TBCK: variants seen among roughly 807,000 people sequenced by gnomAD.
The protein encoded by TBCK is TBC domain-containing protein kinase-like protein.
A neutral mutation model predicts 113.4 loss-of-function variants in TBCK; 99 were observed. That is an observed-to-expected ratio of 0.87 (90% CI 0.74 to 1.03). The LOEUF is 1.03. Ranked by LOEUF, TBCK falls within the 50% of genes least tolerant of loss-of-function variation. The pLI, the probability that TBCK is intolerant of heterozygous loss-of-function variation, is 0.00. For synonymous variants in TBCK, 369 were observed against 370.8 expected (o/e 1.00, Z 0.05); for missense variants, 1,045 against 1,061.3 (o/e 0.98, Z 0.21).
intron 6 of TBCK, among the ~76,000 whole-genome samples, chr4:106,251,476 C>T (rs764453703): frequency 3.6e-4 from 55 of 151,852 alleles, no homozygotes; most frequent in Non-Finnish European, 6.0e-4. Flanking sequence ...AAAAAAGCTG[C>T]TATTCTTCTC....
At chr4:106,133,431 G>A (rs946265988) in intron 23 of TBCK, among the ~76,000 whole-genome samples, 2 of 151,836 alleles carry the variant, frequency 1.3e-5, no homozygotes, top group African/African-American at 4.8e-5. Context: ...CTCAGTCTTG[G>A]GTATATCTTT....
At chr4:106,202,903 T>C (rs1412781290) in intron 20 of TBCK, among the ~76,000 whole-genome samples, 1 of 152,096 alleles carries the variant, frequency 6.6e-6, no homozygotes, top group Non-Finnish European at 1.5e-5. Flanking sequence ...TTTTATGATA[T>C]TTGTGCACCA....
At chr4:106,087,096 G>C (rs1039529035) in intron 25 of TBCK, among the ~76,000 whole-genome samples, 3 of 152,196 alleles carry the variant, frequency 2.0e-5, no homozygotes, top group Non-Finnish European at 4.4e-5. Flanking sequence ...AATCAGGCAA[G>C]AGAAAGAAAT....
intron 23 of TBCK, 88 bp from the exon 24 acceptor site, chr4:106,116,466 A>C: frequency 9.5e-7 from 1 of 1,058,184 alleles, no homozygotes; most frequent in Non-Finnish European, 1.4e-6. Context: ...GATACCAAAC[A>C]ATACAGCATA....
intron 24 of TBCK, among the ~76,000 whole-genome samples, chr4:106,109,182 C>T (rs79170410): frequency 2.0e-5 from 3 of 152,214 alleles, no homozygotes; most frequent in African/African-American, 7.2e-5. Context: ...GGATCAATAT[C>T]ATGAAAATGG....
intron 23 of TBCK, among the ~76,000 whole-genome samples, chr4:106,121,052 A>T (rs564163197): frequency 5.3e-5 from 8 of 152,146 alleles, no homozygotes; most frequent in Admixed American, 3.3e-4. Flanking sequence ...AAAGGCAAAG[A>T]AGTTGAAAAC....
chr4:106,046,161 AGAT>A lies in TBCK; in HGVS notation c.*406_*408del, dbSNP rs1373350282. 1 of 155,034 alleles carries A rather than the reference AGAT, an allele frequency of 6.5e-6. No individual in the cohort carries two copies. The highest frequency in any genetic ancestry group is 1.9e-4 in the East Asian group (1 of 5,238). 9.6% of individuals were successfully genotyped at this position (155,034 alleles called of 1,614,324 possible). On this transcript the variant is annotated 3_prime_UTR_variant, in exon 26 of 26. Transcript: ENST00000394708. ...TAGTTTCTCAGTTTTCATTATGGAA[AGAT>A]GATGATTTCAGCCCACATTCAGTGT...
At chr4:106,211,142 G>C (rs149748765) in intron 20 of TBCK, among the ~76,000 whole-genome samples, 1 of 151,910 alleles carries the variant, frequency 6.6e-6, no homozygotes, top group African/African-American at 2.4e-5. Flanking sequence ...ATTTAATTAG[G>C]TGCCTTTACA....
intron 12 of TBCK, among the ~76,000 whole-genome samples, chr4:106,239,204 A>T (rs138898353): frequency 0.015 from 2,252 of 152,106 alleles, 62 homozygotes; most frequent in South Asian, 0.035. Context: ...GATGTAGGGG[A>T]ACAGAAATAC....
At chr4:106,244,602 C>T (rs774741975) in intron 11 of TBCK, 24 bp downstream of exon 11, 1 of 1,516,418 alleles carries the variant, frequency 6.6e-7, no homozygotes, top group Non-Finnish European at 8.8e-7. Flanking sequence ...TATTTAAATT[C>T]CCAAGAGAAG....
chr4:106,096,736 A>G (rs1464004577), intron 24 of TBCK, among the ~76,000 whole-genome samples: 7 of 152,204 alleles, frequency 4.6e-5, no homozygotes, highest in African/African-American at 1.7e-4. Flanking sequence ...TGAGCCAATG[A>G]GATTCTCTCC....
chr4:106,097,762 G>A (rs1288495538), intron 24 of TBCK, among the ~76,000 whole-genome samples: 2 of 152,018 alleles, frequency 1.3e-5, no homozygotes, highest in Admixed American at 6.5e-5. Context: ...ATCTAGGTAG[G>A]TGAATACTTT....
intron 23 of TBCK, among the ~76,000 whole-genome samples, chr4:106,148,225 T>C (rs1468506684): frequency 1.3e-5 from 2 of 152,244 alleles, no homozygotes; most frequent in African/African-American, 4.8e-5. Flanking sequence ...CCATTTGCCT[T>C]GTGATATTCT....
At chr4:106,112,387 A>G (rs908975421) in intron 24 of TBCK, among the ~76,000 whole-genome samples, 2 of 152,176 alleles carry the variant, frequency 1.3e-5, no homozygotes, top group African/African-American at 4.8e-5. Context: ...TTTGCCTACT[A>G]AAACAGTTCA....
intron 23 of TBCK, among the ~76,000 whole-genome samples, chr4:106,144,792 G>C (rs541951595): frequency 1.3e-5 from 2 of 152,122 alleles, no homozygotes; most frequent in East Asian, 3.9e-4. Context: ...GGGAGACCGA[G>C]ACAGGTGGAT....
At chr4:106,110,539 C>T (rs73836984) in intron 24 of TBCK, among the ~76,000 whole-genome samples, 2,082 of 152,248 alleles carry the variant, frequency 0.014, 54 homozygotes, top group African/African-American at 0.047. Flanking sequence ...GCCTTGGTTT[C>T]GCAGGCTCAA....
At chr4:106,186,098 A>G (rs1752993872) in intron 22 of TBCK, among the ~76,000 whole-genome samples, 2 of 152,196 alleles carry the variant, frequency 1.3e-5, no homozygotes, top group Admixed American at 6.5e-5. Context: ...TCCATGGTGT[A>G]TATGTATCAC....
intron 25 of TBCK, among the ~76,000 whole-genome samples, chr4:106,074,611 T>C (rs1737945443): frequency 6.6e-6 from 1 of 152,218 alleles, no homozygotes; most frequent in African/African-American, 2.4e-5. Context: ...AAAAGATTCA[T>C]GTATTTAGAT....
intron 3 of TBCK, among the ~76,000 whole-genome samples, chr4:106,288,947 T>A (rs1238764484): frequency 6.6e-6 from 1 of 152,212 alleles, no homozygotes; most frequent in African/African-American, 2.4e-5. Flanking sequence ...ATGAAGTTCG[T>A]GTTTACACTT....
Sources: gnomAD v4.1 joint callset for allele counts (sites outside exome capture counted in the v4.1 genomes callset) on GRCh38, gnomAD v4.1.1 for gene constraint, MANE v1.5 for transcripts, NCBI Gene and HGNC (gene_info 2026-07-23, HGNC 2026-07-21) for gene names.